The following PHLPP1 variants were observed in gnomAD, a reference collection of about 807,000 sequenced individuals.
PHLPP1 encodes the protein PH domain and leucine rich repeat protein phosphatase 1, also known as PH domain leucine-rich repeat-containing protein phosphatase 1.
A neutral mutation model predicts 117.2 loss-of-function variants in PHLPP1; 42 were observed. The observed-to-expected ratio is 0.36, with a 90% CI of 0.28 to 0.46. The LOEUF (loss-of-function observed/expected upper bound fraction) is 0.46, where lower values mean the gene tolerates loss of function less well. Among genes scored for constraint, PHLPP1 ranks in the 20% least tolerant of loss-of-function variants. The probability of loss-of-function intolerance (pLI) is 1.00; values close to 1 mark genes in which losing one functional copy is unlikely to be tolerated. For synonymous variants in PHLPP1, 1,042 were observed against 970.7 expected, an observed-to-expected ratio of 1.07 and a Z score of -1.37; for missense variants, 2,084 against 2,241.9, an observed-to-expected ratio of 0.93 and a Z score of 1.42.
At chr18:62,916,747 CTTTTTTT>C (rs10538704) in intron 9 of PHLPP1, among the ~76,000 whole-genome samples, 3 of 71,090 alleles carry the variant, frequency 4.2e-5, no homozygotes, top group East Asian at 9.0e-4. Flanking sequence ...TCCTTCTATT[CTTTTTTT>C]TTTTTTTTTT....
At chr18:62,879,332 T>C (rs1268672581) in intron 4 of PHLPP1, among the ~76,000 whole-genome samples, 1 of 152,132 alleles carries the variant, frequency 6.6e-6, no homozygotes, top group Non-Finnish European at 1.5e-5. Context: ...CATCTTGAAA[T>C]TGGACTTCCC....
At chr18:62,830,380 C>A (rs1401382924) in intron 2 of PHLPP1, 149 bp downstream of exon 2, 5 of 611,694 alleles carry the variant, frequency 8.2e-6, no homozygotes, top group Non-Finnish European at 1.4e-5. Flanking sequence ...AGGCGTGCAC[C>A]ACCACACCTG....
chr18:62,716,220 G>A lies in PHLPP1; in HGVS notation c.537G>A (p.Leu179=). 4 of 1,528,416 alleles carry A rather than the reference G, an allele frequency of 2.6e-6. No individual in the cohort carries two copies. Among genetic ancestry groups the A allele is most frequent in the Non-Finnish European group, 3.5e-6 (4 of 1,143,470 alleles). 94.7% of individuals were successfully genotyped at this position (1,528,416 alleles called of 1,614,324 possible). ...TRSLDRKTLL[L]KHRQTLQLQP... Reference sequence around the variant, plus strand: ...GCCTGGACAGGAAGACGCTGCTTCTGAAGCACCGGCAGACGCTGCAGCTGC... The same window carrying A: ...GCCTGGACAGGAAGACGCTGCTTCTAAAGCACCGGCAGACGCTGCAGCTGC... The change falls in exon 1 of 17, where the codon CTG becomes CTA. Residue 179 remains leucine (L), a synonymous_variant. Coordinates refer to ENST00000262719, the MANE Select transcript of PHLPP1 (RefSeq NM_194449.4). The surrounding 1 kb of genome is among the most constrained non-coding windows in gnomAD (Gnocchi z 5.7).
intron 1 of PHLPP1, among the ~76,000 whole-genome samples, chr18:62,751,614 C>T (rs896847765): frequency 6.6e-6 from 1 of 152,190 alleles, no homozygotes; most frequent in African/African-American, 2.4e-5. Flanking sequence ...CCTTTAATTT[C>T]GTGGCTGCAT....
chr18:62,867,501 C>A (rs1915798204), intron 4 of PHLPP1, among the ~76,000 whole-genome samples: 1 of 152,162 alleles, frequency 6.6e-6, no homozygotes, highest in Non-Finnish European at 1.5e-5. Context: ...ATTATATTTC[C>A]TTTCTTGTGC....
intron 10 of PHLPP1, among the ~76,000 whole-genome samples, chr18:62,928,599 T>G (rs1909716301): frequency 6.6e-6 from 1 of 152,162 alleles, no homozygotes; most frequent in Admixed American, 6.5e-5. Flanking sequence ...GAAAACAGAT[T>G]GTCAGTTCCT....
chr18:62,863,904 C>A (rs1458548446), intron 4 of PHLPP1, among the ~76,000 whole-genome samples: 3 of 152,134 alleles, frequency 2.0e-5, no homozygotes, highest in African/African-American at 7.2e-5. Context: ...TAGGGGTAAA[C>A]CTTATTTTAC....
chr18:62,912,622 C>T (rs948416556), intron 8 of PHLPP1, among the ~76,000 whole-genome samples: 1 of 151,594 alleles, frequency 6.6e-6, no homozygotes, highest in African/African-American at 2.4e-5. Flanking sequence ...CAGTTCTTTT[C>T]TTTTTTTGTT....
intron 1 of PHLPP1, among the ~76,000 whole-genome samples, chr18:62,784,665 G>T (rs150846588): frequency 2.0e-5 from 3 of 152,222 alleles, no homozygotes; most frequent in African/African-American, 7.2e-5. Context: ...GCTTCAGTAC[G>T]TGTTAACGTT....
At chr18:62,796,599 G>T (rs1390415498) in intron 1 of PHLPP1, among the ~76,000 whole-genome samples, 1 of 152,188 alleles carries the variant, frequency 6.6e-6, no homozygotes, top group South Asian at 2.1e-4. Flanking sequence ...ACAGATGGAA[G>T]TATTTGAATA....
At chr18:62,770,748 G>T (rs955943949) in intron 1 of PHLPP1, among the ~76,000 whole-genome samples, 1 of 151,458 alleles carries the variant, frequency 6.6e-6, no homozygotes, top group African/African-American at 2.4e-5. Context: ...TTTGGGGGGG[G>T]TGGGGAATAT....
intron 3 of PHLPP1, among the ~76,000 whole-genome samples, chr18:62,852,002 A>G (rs1915365133): frequency 6.6e-6 from 1 of 151,014 alleles, no homozygotes; most frequent in Admixed American, 6.6e-5. Context: ...TCAGCCTCCC[A>G]TGTAGCTAGG....
chr18:62,832,537 T>A (rs956017050), intron 2 of PHLPP1, among the ~76,000 whole-genome samples: 1 of 152,232 alleles, frequency 6.6e-6, no homozygotes, highest in East Asian at 1.9e-4. Flanking sequence ...GTTTCCCAGG[T>A]CTGTTACTGG....
At chr18:62,750,419 C>T (rs769765264) in intron 1 of PHLPP1, among the ~76,000 whole-genome samples, 4 of 152,098 alleles carry the variant, frequency 2.6e-5, no homozygotes, top group South Asian at 4.1e-4. Flanking sequence ...AGGGCACCTG[C>T]GGACTCCTAT....
chr18:62,926,589 G>T (rs1438590472), intron 10 of PHLPP1, among the ~76,000 whole-genome samples: 2 of 152,122 alleles, frequency 1.3e-5, no homozygotes, highest in African/African-American at 4.8e-5. Flanking sequence ...TAGGACAGGG[G>T]TTTTTGCACC....
chr18:62,966,259 T>C (rs1334466578), intron 14 of PHLPP1, among the ~76,000 whole-genome samples: 2 of 152,188 alleles, frequency 1.3e-5, no homozygotes, highest in African/African-American at 2.4e-5. Flanking sequence ...TAACTACTAA[T>C]ATTATTAATG....
intron 3 of PHLPP1, chr18:62,839,113 C>T: frequency 1.9e-6 from 1 of 529,552 alleles, no homozygotes; most frequent in Non-Finnish European, 3.3e-6. Flanking sequence ...TTTACTTGCC[C>T]AGTTTATACT....
chr18:62,800,960 A>C (rs563393654), intron 1 of PHLPP1, among the ~76,000 whole-genome samples: 3 of 149,066 alleles, frequency 2.0e-5, no homozygotes, highest in African/African-American at 7.5e-5. Context: ...TATTTGTGCA[A>C]ATTAAGTTGA....
intron 3 of PHLPP1, among the ~76,000 whole-genome samples, chr18:62,849,649 C>CA (rs34653454): frequency 0.031 from 2,545 of 82,752 alleles, 60 homozygotes; most frequent in Middle Eastern, 0.039. Flanking sequence ...GATTCTGTCT[C>CA]AAAAAAAAAA....
Sources: gnomAD v4.1 joint callset for allele counts (sites outside exome capture counted in the v4.1 genomes callset) on GRCh38, gnomAD v4.1.1 for gene constraint, Gnocchi (gnomAD v3.1) non-coding constraint, MANE v1.5 for transcripts, NCBI Gene and HGNC (gene_info 2026-07-23, HGNC 2026-07-21) for gene names.